USP34: variants seen among roughly 807,000 people sequenced by gnomAD.
USP34 encodes ubiquitin carboxyl-terminal hydrolase 34.
A neutral mutation model predicts 460.3 loss-of-function variants in USP34; 70 were observed. The ratio of observed to expected loss-of-function variants is 0.15; its 90% CI spans 0.13 to 0.19. USP34 has a LOEUF of 0.19. Ranked by LOEUF, USP34 falls within the 10% of genes least tolerant of loss-of-function variation. The pLI, the probability that USP34 is intolerant of heterozygous loss-of-function variation, is 1.00. For synonymous variants in USP34, 1,647 were observed against 1,405.3 expected (o/e 1.17, Z -3.85); for missense variants, 3,985 against 4,236.2 (o/e 0.94, Z 1.65).
chr2:61,303,152 C>T (rs1010437456), intron 27 of USP34, among the ~76,000 whole-genome samples: 5 of 151,972 alleles, frequency 3.3e-5, no homozygotes, highest in Admixed American at 1.3e-4. Context: ...CTGCAACCTC[C>T]GCCTCCTGGG....
chr2:61,249,387 C>G (rs1026622797), intron 48 of USP34, among the ~76,000 whole-genome samples: 4 of 152,246 alleles, frequency 2.6e-5, no homozygotes, highest in Non-Finnish European at 4.4e-5. Context: ...GGATGGTTTA[C>G]ATCCCAGGTG....
At chr2:61,349,519 A>G (rs148236937) in intron 12 of USP34, among the ~76,000 whole-genome samples, 1 of 152,134 alleles carries the variant, frequency 6.6e-6, no homozygotes, top group Non-Finnish European at 1.5e-5. Context: ...ATGTTTCAGA[A>G]AGCCCTTGAA....
intron 48 of USP34, among the ~76,000 whole-genome samples, chr2:61,255,939 G>T (rs1028004822): frequency 2.0e-5 from 3 of 152,176 alleles, no homozygotes; most frequent in African/African-American, 4.8e-5. Context: ...TTTATCATAG[G>T]TATGTTATGC....
intron 61 of USP34, 122 bp from the exon 62 acceptor site, chr2:61,227,340 G>T: frequency 1.8e-6 from 2 of 1,091,050 alleles, no homozygotes; most frequent in Non-Finnish European, 1.3e-6. Context: ...AAAAACAACT[G>T]CACAAAGACC....
chr2:61,351,221 T>C (rs890437615), intron 10 of USP34, among the ~76,000 whole-genome samples: 2 of 152,092 alleles, frequency 1.3e-5, no homozygotes, highest in African/African-American at 4.8e-5. Flanking sequence ...AATAAGACAA[T>C]AAATTACGCT....
intron 30 of USP34, among the ~76,000 whole-genome samples, chr2:61,296,447 T>C (rs1439246997): frequency 6.6e-6 from 1 of 152,208 alleles, no homozygotes; most frequent in Admixed American, 6.5e-5. Flanking sequence ...CAAACACTGA[T>C]GCACATCATT....
Position 61,447,108 on chromosome 2 carries a change from A to G in USP34, c.43+23542T>C, listed in dbSNP as rs565720714. Among the ~76,000 whole-genome samples, 5 of 152,122 alleles carry G rather than the reference A, an allele frequency of 3.3e-5. No homozygotes were observed. In the South Asian group the frequency reaches 1.0e-3, roughly 31 times the overall value. ...TGTCTCTACTAAAAATAAAAAAATT[A>G]GCCTGGCATCGTGGCATGCACCTGC... On this transcript the variant is annotated intron_variant, in intron 1 of 79. Transcript: ENST00000398571.
chr2:61,417,777 C>A (rs1694240719), intron 2 of USP34, among the ~76,000 whole-genome samples: 3 of 105,048 alleles, frequency 2.9e-5, no homozygotes, highest in Admixed American at 1.4e-4. Flanking sequence ...AAGTCTTGCT[C>A]TATCCCCAGG....
intron 61 of USP34, 60 bp downstream of exon 61, chr2:61,228,585 C>G (rs943608704): frequency 1.3e-5 from 19 of 1,501,494 alleles, no homozygotes; most frequent in Non-Finnish European, 1.7e-5. Flanking sequence ...GGACTTCGCA[C>G]GATGCAAACT....
intron 5 of USP34, among the ~76,000 whole-genome samples, chr2:61,392,353 A>G (rs1259649819): frequency 6.6e-6 from 1 of 152,100 alleles, no homozygotes; most frequent in East Asian, 1.9e-4. Context: ...CGGTGGCTCA[A>G]GCCTGCAAGC....
chr2:61,378,332 T>C (rs1692857723), intron 8 of USP34, 31 bp downstream of exon 8: 3 of 1,439,678 alleles, frequency 2.1e-6, no homozygotes, highest in Non-Finnish European at 2.9e-6. Flanking sequence ...TAAAATGGTA[T>C]ACTTATATAT....
At chr2:61,467,753 T>C (rs1188912016) in intron 1 of USP34, among the ~76,000 whole-genome samples, 1 of 150,818 alleles carries the variant, frequency 6.6e-6, no homozygotes, top group Admixed American at 6.7e-5. Context: ...CCCAAGTAGC[T>C]GGGACTACAG....
intron 44 of USP34, among the ~76,000 whole-genome samples, 170 bp downstream of exon 44, chr2:61,259,541 C>T (rs531326899): frequency 7.7e-5 from 11 of 143,192 alleles, no homozygotes; most frequent in African/African-American, 2.4e-4. Context: ...GCACGCACCA[C>T]CATGCCTGGC....
In USP34 at chr2:61,311,658, C is replaced by T. The variant is rs748561767; in HGVS notation, c.3699G>A (p.Gln1233=). The change falls in exon 27 of 80, where the codon CAG becomes CAA. Residue 1233 remains glutamine, a synonymous_variant. Coordinates refer to ENST00000398571, the MANE Select transcript of USP34 (RefSeq NM_014709.4). ...TTACTTCAGCCCTAAGATCTGCTACCTGGTCACTAGGATACATTTCAATAG... is the reference window on the plus strand; with the variant it reads ...TTACTTCAGCCCTAAGATCTGCTACTTGGTCACTAGGATACATTTCAATAG... ...KMTIEMYPSD[Q]VADLRAEVTH... 25 of 1,612,776 alleles carry T rather than the reference C, an allele frequency of 1.6e-5. No individual in the cohort carries two copies. The highest frequency in any genetic ancestry group is 2.1e-5 in the Non-Finnish European group (25 of 1,179,708).
At chr2:61,308,819 A>G (rs1474255919) in intron 27 of USP34, among the ~76,000 whole-genome samples, 1 of 152,084 alleles carries the variant, frequency 6.6e-6, no homozygotes, top group Non-Finnish European at 1.5e-5. Context: ...AGTGGGCAGA[A>G]AGCTTGAGCT....
At chr2:61,356,242 C>T (rs1444410130) in intron 10 of USP34, among the ~76,000 whole-genome samples, 1 of 151,638 alleles carries the variant, frequency 6.6e-6, no homozygotes, top group Non-Finnish European at 1.5e-5. Flanking sequence ...AATCCCAGCA[C>T]TTTGGGAGGC....
chr2:61,259,844 A>G lies in USP34; in HGVS notation c.5779-68T>C, dbSNP rs1349980153. 5 of 1,491,306 alleles carry G rather than the reference A, an allele frequency of 3.4e-6. No individual in the cohort carries two copies. In the African/African-American group the frequency reaches 6.9e-5, roughly 21 times the overall value. 92.4% of individuals were successfully genotyped at this position (1,491,306 alleles called of 1,614,324 possible). ...GGTAGTAAATTAGGCATTCTAGCAAAGAAAGTCTTGCAATGTACACTGTAT... is the reference window on the plus strand; with the variant it reads ...GGTAGTAAATTAGGCATTCTAGCAAGGAAAGTCTTGCAATGTACACTGTAT... On this transcript the variant is annotated intron_variant, in intron 43 of 79. Transcript: ENST00000398571.
chr2:61,310,674 T>C (rs1690563840), intron 27 of USP34, among the ~76,000 whole-genome samples: 1 of 149,518 alleles, frequency 6.7e-6, no homozygotes, highest in Non-Finnish European at 1.5e-5. Context: ...TATACACATA[T>C]ACATATACAT....
At chr2:61,414,889 G>C (rs1694148946) in intron 2 of USP34, among the ~76,000 whole-genome samples, 1 of 152,102 alleles carries the variant, frequency 6.6e-6, no homozygotes, top group South Asian at 2.1e-4. Flanking sequence ...ATTGGTTATG[G>C]AAAGTGGGAC....
Sources: allele counts gnomAD v4.1 joint callset (sites outside exome capture counted in the v4.1 genomes callset), GRCh38; gene constraint gnomAD v4.1.1; transcripts MANE v1.5; gene names NCBI Gene and HGNC (gene_info 2026-07-23, HGNC 2026-07-21).